TSPAN5: variants seen among roughly 807,000 people sequenced by gnomAD.
The protein encoded by TSPAN5 is tetraspanin 5.
A neutral mutation model predicts 37.1 loss-of-function variants in TSPAN5; 10 were observed. The ratio of observed to expected loss-of-function variants is 0.27; its 90% CI spans 0.17 to 0.46. The LOEUF is 0.46. Among genes scored for constraint, TSPAN5 ranks in the 20% least tolerant of loss-of-function variants. The probability of loss-of-function intolerance (pLI) is 1.00; values close to 1 mark genes in which losing one functional copy is unlikely to be tolerated. For synonymous variants in TSPAN5, 110 were observed against 118.9 expected (o/e 0.93, Z 0.48); for missense variants, 195 against 326.6 (o/e 0.60, Z 3.11).
At chr4:98,522,152 C>A (rs13116201) in intron 1 of TSPAN5, among the ~76,000 whole-genome samples, 85,303 of 152,042 alleles carry the variant, frequency 0.56, 24,644 homozygotes, top group African/African-American at 0.69. Context: ...TACACTTACA[C>A]GCTCCCGTGG....
intron 7 of TSPAN5, among the ~76,000 whole-genome samples, chr4:98,475,583 A>G (rs779790276): frequency 2.9e-4 from 44 of 152,346 alleles, no homozygotes; most frequent in Middle Eastern, 3.4e-3. Context: ...AGCCCATGTA[A>G]ACGATGGAAT....
At chr4:98,519,788 G>C (rs1753813334) in intron 1 of TSPAN5, among the ~76,000 whole-genome samples, 1 of 152,192 alleles carries the variant, frequency 6.6e-6, no homozygotes, top group Admixed American at 6.5e-5. Flanking sequence ...CTGGGGGCTG[G>C]ACAGCAGTTG....
At chr4:98,497,084 T>C (rs746765799) in intron 2 of TSPAN5, among the ~76,000 whole-genome samples, 9 of 151,982 alleles carry the variant, frequency 5.9e-5, no homozygotes, top group Non-Finnish European at 1.2e-4. Context: ...CCCAGCACTT[T>C]GGGAGACTGA....
At chr4:98,656,662 G>A (rs1757300836) in intron 1 of TSPAN5, among the ~76,000 whole-genome samples, 1 of 152,100 alleles carries the variant, frequency 6.6e-6, no homozygotes, top group South Asian at 2.1e-4. Context: ...TGGAATGATC[G>A]GATATGACAT....
rs762582330 is a variant in TSPAN5 at position 98,472,532 on chromosome 4, G to A, written c.797C>T (p.Ala266Val). 9.3e-6 allele frequency: 15 copies of A among 1,613,934 alleles called. No homozygotes were observed. Among genetic ancestry groups the A allele is most frequent in the South Asian group, 3.3e-5 (3 of 91,056 alleles). Residue 266 changes from alanine to valine, a missense_variant, in exon 8 of 8, where the codon GCG (alanine) becomes GTG (valine). By Grantham distance (64) the Ala-to-Val change is moderately conservative (BLOSUM62 0). Transcript: ENST00000305798. ...NLVSDIEAVR[A>V]SW is the part of the protein sequence containing the mutation. Reference sequence around the variant, plus strand: ...GCGGTTGCAGGGGGTCTACCAGCTCGCCCTGACAGCTTCGATATCGCTAAC... The same window carrying A: ...GCGGTTGCAGGGGGTCTACCAGCTCACCCTGACAGCTTCGATATCGCTAAC...
chr4:98,643,028 T>C (rs1442155123), intron 1 of TSPAN5, among the ~76,000 whole-genome samples: 17 of 152,218 alleles, frequency 1.1e-4, no homozygotes, highest in Admixed American at 1.1e-3. Context: ...TCTGCATTTG[T>C]GTACAGTAAT....
At chr4:98,566,960 T>C (rs1465177388) in intron 1 of TSPAN5, among the ~76,000 whole-genome samples, 2 of 152,238 alleles carry the variant, frequency 1.3e-5, no homozygotes, top group Non-Finnish European at 2.9e-5. Context: ...TGCTGCAGCC[T>C]ACACGGCCAA....
intron 7 of TSPAN5, among the ~76,000 whole-genome samples, chr4:98,473,453 T>A (rs945170472): frequency 3.6e-5 from 4 of 110,344 alleles, no homozygotes; most frequent in African/African-American, 7.6e-5. Context: ...TTATTAGCCA[T>A]TTTTTTTTTT....
chr4:98,486,505 C>T (rs1752961797), intron 3 of TSPAN5: 2 of 507,508 alleles, frequency 3.9e-6, no homozygotes, highest in Non-Finnish European at 7.0e-6. Flanking sequence ...GATATATATG[C>T]ACAAAACCTC....
At chr4:98,538,656 G>A (rs779361424) in intron 1 of TSPAN5, among the ~76,000 whole-genome samples, 2 of 152,126 alleles carry the variant, frequency 1.3e-5, no homozygotes, top group African/African-American at 2.4e-5. Flanking sequence ...TTTATTCAAG[G>A]CATGACATAG....
At chr4:98,535,801 T>G (rs890438454) in intron 1 of TSPAN5, among the ~76,000 whole-genome samples, 1 of 152,208 alleles carries the variant, frequency 6.6e-6, no homozygotes, top group African/African-American at 2.4e-5. Flanking sequence ...ATCATTGCTA[T>G]CCTTTCTTTT....
At chr4:98,658,057 C>T in intron 1 of TSPAN5, 89 bp downstream of exon 1, 1 of 1,223,106 alleles carries the variant, frequency 8.2e-7, no homozygotes, top group African/African-American at 1.5e-5. Context: ...TGCGGGGCTG[C>T]GAAAAGTAAA....
intron 1 of TSPAN5, among the ~76,000 whole-genome samples, chr4:98,601,017 C>T (rs1755869616): frequency 6.6e-6 from 1 of 152,132 alleles, no homozygotes; most frequent in Non-Finnish European, 1.5e-5. Context: ...TCTTGGGTAA[C>T]CAGGTACATT....
intron 1 of TSPAN5, among the ~76,000 whole-genome samples, chr4:98,655,951 G>A (rs1579059481): frequency 6.6e-6 from 1 of 152,286 alleles, no homozygotes; most frequent in East Asian, 1.9e-4. Context: ...GAGAGGAGAG[G>A]AAGGGAAGGC....
rs1156630314 is a variant in TSPAN5 at position 98,580,633 on chromosome 4, AT to A, written c.82-72906del. Reference sequence around the variant, plus strand: ...GATGAGGAACAGGGGAGAACAAACAATTAAAAGGAAACTAGGGAGGGTGTCT... The same window carrying A: ...GATGAGGAACAGGGGAGAACAAACAATAAAAGGAAACTAGGGAGGGTGTCT... On this transcript the variant is annotated intron_variant, in intron 1 of 7. Coordinates refer to ENST00000305798, the MANE Select transcript of TSPAN5 (RefSeq NM_005723.4). Among the ~76,000 whole-genome samples, 15 of 152,240 alleles carry A rather than the reference AT, an allele frequency of 9.9e-5. 1 individual carries two copies. The highest frequency in any genetic ancestry group is 2.9e-5 in the Non-Finnish European group (2 of 68,034).
intron 3 of TSPAN5, chr4:98,483,920 T>TG (rs529507302): frequency 4.0e-4 from 63 of 157,430 alleles, no homozygotes; most frequent in African/African-American, 1.5e-3. Flanking sequence ...CGCCCTGCCC[T>TG]GTATTAGGCC....
chr4:98,555,965 A>G (rs893103415), intron 1 of TSPAN5, among the ~76,000 whole-genome samples: 6 of 148,070 alleles, frequency 4.1e-5, no homozygotes, highest in African/African-American at 1.2e-4. Context: ...AAATCACTCC[A>G]CACACGCGCG....
intron 1 of TSPAN5, chr4:98,509,799 T>G (rs1381917286): frequency 6.6e-6 from 1 of 152,202 alleles, no homozygotes; most frequent in Non-Finnish European, 1.5e-5. Flanking sequence ...CTCATATTTA[T>G]AGGTGCTGGG....
At chr4:98,649,319 T>C (rs940139775) in intron 1 of TSPAN5, among the ~76,000 whole-genome samples, 3 of 152,172 alleles carry the variant, frequency 2.0e-5, no homozygotes, top group African/African-American at 7.2e-5. Context: ...GGATTGCTGG[T>C]AGCAGGTTTG....
Sources: gnomAD v4.1 joint callset for allele counts (sites outside exome capture counted in the v4.1 genomes callset) on GRCh38, gnomAD v4.1.1 for gene constraint, MANE v1.5 for transcripts, NCBI Gene and HGNC (gene_info 2026-07-23, HGNC 2026-07-21) for gene names.